The following MTPAP variants were observed in gnomAD, a reference collection of about 807,000 sequenced individuals.
The protein encoded by MTPAP is poly(A) RNA polymerase, mitochondrial.
A neutral mutation model predicts 48.7 loss-of-function variants in MTPAP; 23 were observed. The ratio of observed to expected loss-of-function variants is 0.47; its 90% CI spans 0.34 to 0.67. The LOEUF is 0.67. MTPAP is among the 30% of genes least tolerant of loss of function. MTPAP has a pLI of 0.01. For synonymous variants in MTPAP, 257 were observed against 254.1 expected, an observed-to-expected ratio of 1.01 and a Z score of -0.11; for missense variants, 614 against 694.3, an observed-to-expected ratio of 0.88 and a Z score of 1.30.
In MTPAP at chr10:30,340,431, TC is replaced by T; in HGVS notation, c.349del (p.Glu117AsnfsTer8). 3 of 1,614,086 alleles carry T rather than the reference TC, an allele frequency of 1.9e-6. No individual in the cohort carries two copies. Among genetic ancestry groups the T allele is most frequent in the Non-Finnish European group, 2.5e-6 (3 of 1,179,968 alleles). On this transcript the variant is annotated frameshift_variant, in exon 3 of 9. Coordinates refer to ENST00000263063, the MANE Select transcript of MTPAP (RefSeq NM_018109.4). LOFTEE classifies it high-confidence loss of function. ...YESFGLYAVV[E>X]FCQKESIGSL... Reference sequence around the variant, plus strand: ...ACCTATGCTTTCCTTTTGGCAAAATTCTACGACAGCATAGAGACCCTATACC... The same window carrying T: ...ACCTATGCTTTCCTTTTGGCAAAATTTACGACAGCATAGAGACCCTATACC...
At chr10:30,334,083 G>T (rs1466864265) in intron 4 of MTPAP, among the ~76,000 whole-genome samples, 1 of 152,050 alleles carries the variant, frequency 6.6e-6, no homozygotes, top group East Asian at 1.9e-4. Flanking sequence ...TATATAGTGG[G>T]AGATACATAC....
chr10:30,336,704 T>C, intron 4 of MTPAP, 99 bp downstream of exon 4: 1 of 965,240 alleles, frequency 1.0e-6, no homozygotes. Context: ...GTTTAATAAG[T>C]TTAGAAATCA....
chr10:30,342,961 T>C (rs2132870376), intron 1 of MTPAP, among the ~76,000 whole-genome samples: 1 of 152,252 alleles, frequency 6.6e-6, no homozygotes, highest in Admixed American at 6.5e-5. Flanking sequence ...AATGGGAAGG[T>C]CAACAAATGA....
chr10:30,320,968 A>C (rs1840718508), intron 6 of MTPAP, among the ~76,000 whole-genome samples: 1 of 152,196 alleles, frequency 6.6e-6, no homozygotes, highest in Non-Finnish European at 1.5e-5. Flanking sequence ...ACTTACAGGT[A>C]GTTTAGTGGT....
intron 1 of MTPAP, among the ~76,000 whole-genome samples, chr10:30,343,958 A>G (rs866093065): frequency 3.3e-5 from 5 of 152,194 alleles, no homozygotes; most frequent in African/African-American, 7.2e-5. Context: ...CTGTATCACA[A>G]TAATCTGACT....
At chr10:30,335,430 G>A (rs926413317) in intron 4 of MTPAP, among the ~76,000 whole-genome samples, 1 of 152,138 alleles carries the variant, frequency 6.6e-6, no homozygotes, top group Non-Finnish European at 1.5e-5. Flanking sequence ...AAGTTGCTGT[G>A]AGCCTAGATC....
intron 6 of MTPAP, among the ~76,000 whole-genome samples, chr10:30,320,380 C>G (rs1258571064): frequency 6.6e-6 from 1 of 152,006 alleles, no homozygotes; most frequent in East Asian, 1.9e-4. Context: ...AAAAAATTAG[C>G]CAGGTATGGT....
At chr10:30,345,767 C>T (rs1209689295) in intron 1 of MTPAP, among the ~76,000 whole-genome samples, 1 of 152,226 alleles carries the variant, frequency 6.6e-6, no homozygotes, top group East Asian at 1.9e-4. Flanking sequence ...ACTGAATAGG[C>T]CAGGTGCAGT....
chr10:30,323,726 G>A (rs1355428777), intron 5 of MTPAP, among the ~76,000 whole-genome samples: 1 of 152,112 alleles, frequency 6.6e-6, no homozygotes, highest in Non-Finnish European at 1.5e-5. Flanking sequence ...TAGCCAGGAT[G>A]GTCTCAATCT....
chr10:30,349,132 C>T lies in MTPAP; in HGVS notation c.144G>A (p.Gly48=), dbSNP rs1834904572. The change falls in exon 1 of 9, where the codon GGG becomes GGA. Residue 48 remains glycine, a synonymous_variant. Coordinates refer to ENST00000263063, the MANE Select transcript of MTPAP (RefSeq NM_018109.4). ...KDLRRDEQPS[G]SVETGFEDKI... ...CGGCGCCATCACCTGTCTCCACGCTCCCTGAAGGCTGCTCGTCTCTCCTAA... is the reference window on the plus strand; with the variant it reads ...CGGCGCCATCACCTGTCTCCACGCTTCCTGAAGGCTGCTCGTCTCTCCTAA... The T allele has an allele frequency of 6.2e-7, 1 of 1,613,722 alleles. No individual in the cohort carries two copies.
chr10:30,312,952 T>A lies in MTPAP; in HGVS notation c.*657A>T, dbSNP rs1422469546. The A allele has an allele frequency of 6.6e-6, 1 of 152,350 alleles. No individual in the cohort carries two copies. The highest frequency in any genetic ancestry group is 1.5e-5 in the Non-Finnish European group (1 of 68,132). 9.4% of individuals were successfully genotyped at this position (152,350 alleles called of 1,614,324 possible). ...AGAATGCAGTGACTGAAATGTCTGT[T>A]CTAAAAACATAAACATTTTTTGATA... On this transcript the variant is annotated 3_prime_UTR_variant, in exon 9 of 9. Transcript: ENST00000263063.
In MTPAP at chr10:30,340,385, A is replaced by T. The variant is rs376509703; in HGVS notation, c.396T>A (p.His132Gln). Residue 132 changes from histidine to glutamine, a missense_variant, in exon 3 of 9, where the codon CAT becomes CAA. Physicochemically the swap from His to Gln is conservative, Grantham distance 24. This residue lies in a region of MTPAP where 114 missense variants were observed against 107.9 expected (regional missense o/e 1.06). Transcript: ENST00000263063. Reference sequence around the variant, plus strand: ...CAGTCTCCATGGCCGTGCTTGGAGTATGAGTCCCATTCTGCAGTGAACCTA... The same window carrying T: ...CAGTCTCCATGGCCGTGCTTGGAGTTTGAGTCCCATTCTGCAGTGAACCTA... ...ESIGSLQNGT[H>Q]TPSTAMETAI... 2.5e-6 allele frequency: 4 copies of T among 1,614,194 alleles called. No homozygotes were observed. In the African/African-American group the frequency reaches 4.0e-5, roughly 16 times the overall value.
At position 30,313,331 on chromosome 10, in the gene MTPAP, GA is replaced by G. The variant is rs1234384398; in HGVS notation, c.*277del. The stretch of plus-strand genomic sequence containing the variant: ...GATGGATTCAAAATCCTGGGCTCAA[GA>G]GATCCTCCTGCCTCAGCCTCCTGAG... On this transcript the variant is annotated 3_prime_UTR_variant, in exon 9 of 9. Transcript: ENST00000263063. 3 of 430,160 alleles carry G rather than the reference GA, an allele frequency of 7.0e-6. No homozygotes were observed. The East Asian group carries it at 1.4e-4, about 19-fold the overall frequency. The allele number at this position is 430,160 out of a possible 1,614,324, so 26.6% of individuals were successfully genotyped here.
intron 6 of MTPAP, among the ~76,000 whole-genome samples, chr10:30,319,632 A>G (rs1301931927): frequency 6.6e-6 from 1 of 152,252 alleles, no homozygotes; most frequent in African/African-American, 2.4e-5. Flanking sequence ...GAAAAGGAAA[A>G]TATTGATAAA....
chr10:30,339,775 C>A (rs887925119), intron 3 of MTPAP, among the ~76,000 whole-genome samples: 7 of 152,046 alleles, frequency 4.6e-5, no homozygotes, highest in Non-Finnish European at 8.8e-5. Flanking sequence ...AATATTAGCA[C>A]GACAAATGTA....
intron 5 of MTPAP, among the ~76,000 whole-genome samples, chr10:30,323,377 G>A (rs1331360693): frequency 6.7e-6 from 1 of 149,502 alleles, no homozygotes; most frequent in Admixed American, 6.7e-5. Flanking sequence ...ACTTGAACCC[G>A]GGAGGCGGAG....
At position 30,340,384 on chromosome 10, in the gene MTPAP, T is replaced by C. The variant is rs565668524; in HGVS notation, c.397A>G (p.Thr133Ala). 1.2e-6 allele frequency: 2 copies of C among 1,614,108 alleles called. No homozygotes were observed. Among genetic ancestry groups the C allele is most frequent in the Admixed American group, 3.3e-5 (2 of 60,010 alleles). The change falls in exon 3 of 9, where the codon ACT becomes GCT. Residue 133 changes from threonine to alanine, a missense_variant. Around this residue, in one of 5 missense-constraint regions of MTPAP, gnomAD observed 114 missense variants for 107.9 expected, o/e 1.06. Transcript: ENST00000263063. The part of the protein sequence containing the change: ...SIGSLQNGTH[T>A]PSTAMETAIP... ...GCAGTCTCCATGGCCGTGCTTGGAG[T>C]ATGAGTCCCATTCTGCAGTGAACCT...
intron 1 of MTPAP, among the ~76,000 whole-genome samples, chr10:30,347,716 C>A (rs1397491376): frequency 6.6e-6 from 1 of 152,150 alleles, no homozygotes; most frequent in Non-Finnish European, 1.5e-5. Flanking sequence ...CATGGTGAAA[C>A]CCCATCTCTA....
In MTPAP at chr10:30,349,189, A is replaced by G. The variant is rs1834905436; in HGVS notation, c.87T>C (p.Leu29=). The change falls in exon 1 of 9, where the codon CTT becomes CTC. Residue 29 remains leucine (L), a synonymous_variant. Coordinates refer to ENST00000263063, the MANE Select transcript of MTPAP (RefSeq NM_018109.4). ...TGGCCACAGTTCCTGGGCAACTCAAAAGCCTGACGATAGGCCGCTGGACTC... is the reference window on the plus strand; with the variant it reads ...TGGCCACAGTTCCTGGGCAACTCAAGAGCCTGACGATAGGCCGCTGGACTC... ...RTRVQRPIVR[L]LSCPGTVAKD... The G allele has an allele frequency of 1.2e-6, 2 of 1,612,012 alleles. No individual in the cohort carries two copies. Among genetic ancestry groups the G allele is most frequent in the South Asian group, 2.2e-5 (2 of 90,996 alleles).
Sources: gnomAD v4.1 joint callset for allele counts (sites outside exome capture counted in the v4.1 genomes callset) on GRCh38, gnomAD v4.1.1 for gene constraint, gnomAD v4.1.1 regional missense constraint, MANE v1.5 for transcripts, NCBI Gene and HGNC (gene_info 2026-07-23, HGNC 2026-07-21) for gene names.